Variants in GPC6 observed in about 807,000 individuals in gnomAD.
The protein encoded by GPC6 is glypican 6.
In GPC6, 14 loss-of-function variants were observed where a neutral mutation model predicts 55.2. The ratio of observed to expected loss-of-function variants is 0.25; its 90% CI spans 0.17 to 0.40. The LOEUF (loss-of-function observed/expected upper bound fraction) is 0.40. GPC6 is among the 10% of genes least tolerant of loss of function. The pLI is 1.00. For synonymous variants in GPC6, 278 were observed against 259.6 expected (o/e 1.07, Z -0.68); for missense variants, 641 against 708.5 (o/e 0.90, Z 1.08).
intron 1 of GPC6, among the ~76,000 whole-genome samples, chr13:93,500,293 A>C (rs1364282235): frequency 6.6e-6 from 1 of 152,172 alleles, no homozygotes; most frequent in Non-Finnish European, 1.5e-5. Flanking sequence ...GTAAGGAATA[A>C]GAAAGCAAAA....
At chr13:93,778,325 G>A (rs118048191) in intron 2 of GPC6, among the ~76,000 whole-genome samples, 1 of 151,972 alleles carries the variant, frequency 6.6e-6, no homozygotes, top group Non-Finnish European at 1.5e-5. Context: ...GTTACTGTTG[G>A]TACCAAAACG....
chr13:94,177,331 T>A (rs1485529121), intron 4 of GPC6, among the ~76,000 whole-genome samples: 1 of 152,058 alleles, frequency 6.6e-6, no homozygotes, highest in African/African-American at 2.4e-5. Context: ...GTAAAACTTC[T>A]ATGTGTCAAC....
intron 1 of GPC6, among the ~76,000 whole-genome samples, chr13:93,309,056 C>T (rs1181209394): frequency 6.6e-6 from 1 of 152,110 alleles, no homozygotes; most frequent in Admixed American, 6.5e-5. Context: ...AAATACTGAA[C>T]TGGAACAATG....
At chr13:93,388,322 G>A (rs1230419243) in intron 1 of GPC6, among the ~76,000 whole-genome samples, 1 of 152,180 alleles carries the variant, frequency 6.6e-6, no homozygotes, top group Non-Finnish European at 1.5e-5. Context: ...CCTGAGACCT[G>A]AAGCATCTTT....
chr13:93,442,898 T>C (rs1021208611), intron 1 of GPC6, among the ~76,000 whole-genome samples: 7 of 152,224 alleles, frequency 4.6e-5, no homozygotes, highest in African/African-American at 1.7e-4. Flanking sequence ...ATTTATAATA[T>C]AACATTATAC....
intron 1 of GPC6, among the ~76,000 whole-genome samples, chr13:93,418,069 C>G (rs1198244958): frequency 6.6e-6 from 1 of 151,930 alleles, no homozygotes; most frequent in Non-Finnish European, 1.5e-5. Flanking sequence ...AAATATGTCT[C>G]AATCTCAGAG....
At chr13:94,332,404 G>A (rs1877472219) in intron 6 of GPC6, among the ~76,000 whole-genome samples, 1 of 152,224 alleles carries the variant, frequency 6.6e-6, no homozygotes, top group South Asian at 2.1e-4. Flanking sequence ...ACAAAAGAAA[G>A]ATACTAGCAG....
intron 2 of GPC6, among the ~76,000 whole-genome samples, chr13:93,779,018 T>C (rs1885552938): frequency 6.6e-6 from 1 of 152,262 alleles, no homozygotes; most frequent in African/African-American, 2.4e-5. Flanking sequence ...GCTTAAATAC[T>C]TGCCAATCTA....
At chr13:94,131,970 A>G (rs761960381) in intron 4 of GPC6, among the ~76,000 whole-genome samples, 14 of 152,210 alleles carry the variant, frequency 9.2e-5, no homozygotes, top group Non-Finnish European at 1.9e-4. Context: ...AGAGAGAGAA[A>G]TAATGACAGA....
Position 93,314,712 on chromosome 13 carries a change from G to GGTGTGT in GPC6, c.160+87136_160+87141dup, listed in dbSNP as rs370613459. On this transcript the variant is annotated intron_variant, in intron 1 of 8. Coordinates refer to ENST00000377047, the MANE Select transcript of GPC6 (RefSeq NM_005708.5). ...CCTAATTAGATAGAAAACAAGGAGGGGTGTGTGTGTGTGTGTGTGTGTGTG... is the reference window on the plus strand; with the variant it reads ...CCTAATTAGATAGAAAACAAGGAGGGGTGTGTGTGTGTGTGTGTGTGTGTGTGTGTG... 8.4e-4 allele frequency among the ~76,000 whole-genome samples: 124 copies of GGTGTGT among 147,650 alleles called. No individual in the cohort carries two copies. The East Asian group carries it at 9.3e-3, about 11-fold the overall frequency.
chr13:93,391,581 A>G (rs933090735), intron 1 of GPC6, among the ~76,000 whole-genome samples: 3 of 152,252 alleles, frequency 2.0e-5, no homozygotes, highest in Non-Finnish European at 4.4e-5. Context: ...AGATAAATAC[A>G]TAAGCATATG....
intron 1 of GPC6, among the ~76,000 whole-genome samples, chr13:93,341,012 T>C (rs1454059609): frequency 6.6e-6 from 1 of 152,200 alleles, no homozygotes; most frequent in Admixed American, 6.5e-5. Context: ...AATATTTGGT[T>C]ATTCATTCCT....
intron 3 of GPC6, among the ~76,000 whole-genome samples, chr13:93,848,564 G>T (rs1279585967): frequency 6.6e-6 from 1 of 151,990 alleles, no homozygotes; most frequent in Admixed American, 6.6e-5. Context: ...TACAAGTCCT[G>T]GCAGTATATT....
chr13:94,334,499 C>A (rs1262206189), intron 6 of GPC6, among the ~76,000 whole-genome samples: 1 of 152,212 alleles, frequency 6.6e-6, no homozygotes, highest in Admixed American at 6.5e-5. Context: ...GATGGAGGAC[C>A]ACTGTCCTAG....
intron 2 of GPC6, among the ~76,000 whole-genome samples, chr13:93,565,495 C>T (rs1375114610): frequency 6.6e-6 from 1 of 152,142 alleles, no homozygotes; most frequent in Non-Finnish European, 1.5e-5. Flanking sequence ...GTATCTTGAT[C>T]GTTTCTTCAT....
At chr13:93,896,757 G>A (rs1235253426) in intron 3 of GPC6, among the ~76,000 whole-genome samples, 1 of 151,912 alleles carries the variant, frequency 6.6e-6, no homozygotes, top group Admixed American at 6.6e-5. Flanking sequence ...CTCGCATCAG[G>A]TTCATTTCAT....
At chr13:94,400,468 T>A (rs1881077394) in intron 8 of GPC6, among the ~76,000 whole-genome samples, 1 of 152,214 alleles carries the variant, frequency 6.6e-6, no homozygotes, top group Non-Finnish European at 1.5e-5. Flanking sequence ...GCAATTCTGA[T>A]ATCTCTGAAT....
At chr13:93,846,128 T>C (rs1328000800) in intron 3 of GPC6, among the ~76,000 whole-genome samples, 1 of 152,102 alleles carries the variant, frequency 6.6e-6, no homozygotes, top group African/African-American at 2.4e-5. Flanking sequence ...CAACTAGACA[T>C]TGAAGCCAAA....
chr13:93,343,778 C>T (rs1566309030), intron 1 of GPC6, among the ~76,000 whole-genome samples: 2 of 152,200 alleles, frequency 1.3e-5, no homozygotes, highest in Admixed American at 6.5e-5. Context: ...CTACCCTTTG[C>T]AGCTTTGCTC....
Sources: gnomAD v4.1 joint callset for allele counts (sites outside exome capture counted in the v4.1 genomes callset) on GRCh38, gnomAD v4.1.1 for gene constraint, MANE v1.5 for transcripts, NCBI Gene and HGNC (gene_info 2026-07-23, HGNC 2026-07-21) for gene names.